Variants in HIPK4 observed in about 807,000 individuals in gnomAD.
The protein encoded by HIPK4 is homeodomain interacting protein kinase 4.
Under a neutral mutation model 44.8 loss-of-function variants are expected in HIPK4, and 26 were observed. The observed-to-expected ratio is 0.58, with a 90% confidence interval of 0.43 to 0.80. The LOEUF is 0.80. HIPK4 is among the 30% of genes least tolerant of loss of function. The pLI is 0.00. For missense variants in HIPK4, 729 were observed against 862.6 expected (o/e 0.85, Z 1.94); for synonymous variants, 340 against 355.5 (o/e 0.96, Z 0.49).
Position 40,389,984 on chromosome 19 carries a change from A to T in HIPK4, c.-82T>A. On this transcript the variant is annotated 5_prime_UTR_variant, in exon 1 of 4. Transcript: ENST00000291823. This position sits in a 1 kb window ranked among gnomAD's most constrained non-coding sequence, Gnocchi z 4.6. ...GCCCAGGCCTCCCGCCTGGCTGCTG[A>T]CACAGCAGGCCCCCCAGTGGGGGAA... 1.8e-6 allele frequency: 2 copies of T among 1,086,630 alleles called. No homozygotes were observed. Among genetic ancestry groups the T allele is most frequent in the Non-Finnish European group, 2.7e-6 (2 of 754,356 alleles). The allele number at this position is 1,086,630 out of a possible 1,614,324, so 67.3% of individuals were successfully genotyped here.
chr19:40,382,350 C>T (rs1019935077), intron 2 of HIPK4, among the ~76,000 whole-genome samples: 3 of 152,108 alleles, frequency 2.0e-5, no homozygotes, highest in African/African-American at 4.8e-5. Flanking sequence ...CTGCCTTGGC[C>T]CCCACCAAAG....
intron 2 of HIPK4, among the ~76,000 whole-genome samples, chr19:40,382,026 G>A (rs970031903): frequency 3.3e-5 from 5 of 151,838 alleles, no homozygotes; most frequent in African/African-American, 4.8e-5. Context: ...GGCTGTTCTC[G>A]AACTCCTGAC....
At chr19:40,383,197 C>T (rs1222332363) in intron 2 of HIPK4, among the ~76,000 whole-genome samples, 5 of 148,926 alleles carry the variant, frequency 3.4e-5, no homozygotes, top group African/African-American at 9.9e-5. Flanking sequence ...ATTCTCCTGC[C>T]TCAGCCCGCC....
rs1468175738 is a variant in HIPK4 at position 40,381,074 on chromosome 19, G to A, written c.917C>T (p.Pro306Leu). 6.2e-7 allele frequency: 1 copy of A among 1,613,036 alleles called. No homozygotes were observed. The highest frequency in any genetic ancestry group is 8.5e-7 in the Non-Finnish European group (1 of 1,180,024). The change falls in exon 3 of 4, where the codon CCT becomes CTT. Residue 306 changes from proline to leucine, a missense_variant. Transcript: ENST00000291823. Reference protein sequence around the residue: ...GGSVASRLTFPDREALAEHAD... With the variant: ...GGSVASRLTFLDREALAEHAD... Reference sequence around the variant, plus strand: ...GTGCTCCGCCAGCGCCTCCCGGTCAGGGAAGGTTAGCCGACTGGCCACACT... The same window carrying A: ...GTGCTCCGCCAGCGCCTCCCGGTCAAGGAAGGTTAGCCGACTGGCCACACT...
chr19:40,386,199 A>T (rs1472605495), intron 1 of HIPK4, among the ~76,000 whole-genome samples: 1 of 151,562 alleles, frequency 6.6e-6, no homozygotes, highest in Non-Finnish European at 1.5e-5. Context: ...CCTCCTGAGT[A>T]GCTGGGATTA....
intron 1 of HIPK4, 129 bp from the exon 2 acceptor site, chr19:40,384,268 G>C (rs1351672317): frequency 2.8e-6 from 2 of 710,754 alleles, no homozygotes; most frequent in Admixed American, 5.1e-5. Flanking sequence ...CTCTGGGTCT[G>C]TGATTCTTTA....
Position 40,379,396 on chromosome 19 carries a change from C to T in HIPK4, c.*191G>A. 1.8e-6 allele frequency: 1 copy of T among 571,422 alleles called. No individual in the cohort carries two copies. The highest frequency in any genetic ancestry group is 3.0e-6 in the Non-Finnish European group (1 of 335,006). 35.4% of individuals were successfully genotyped at this position (571,422 alleles called of 1,614,324 possible). A position where few individuals can be genotyped will look rare whatever the true frequency, so the allele number is the denominator to read the frequency against. ...AGGAGCATGGGCCAGACTCCAAAGC[C>T]CTGCTGTGTTTAGGAGAGGTGTGCA... On this transcript the variant is annotated 3_prime_UTR_variant, in exon 4 of 4. Coordinates refer to ENST00000291823, the MANE Select transcript of HIPK4 (RefSeq NM_144685.5).
chr19:40,380,604 C>T lies in HIPK4; in HGVS notation c.1387G>A (p.Gly463Ser). 2 of 1,613,362 alleles carry T rather than the reference C, an allele frequency of 1.2e-6. No homozygotes were observed. The highest frequency in any genetic ancestry group is 1.7e-6 in the Non-Finnish European group (2 of 1,179,914). Residue 463 changes from glycine (G) to serine (S), a missense_variant, in exon 3 of 4, where the codon GGC becomes AGC. By Grantham distance (56) the Gly-to-Ser change is moderately conservative. This residue lies in a region of HIPK4 where 533 missense variants were observed against 567.5 expected (regional missense o/e 0.94). Transcript: ENST00000291823. This position sits in a 1 kb window ranked among gnomAD's most constrained non-coding sequence, Gnocchi z 4.2. ...MMVPLKAAIT[G>S]HHVPDSGPEP... is the part of the protein sequence containing the mutation. ...GGGCCCGAGTCGGGCACATGGTGGC[C>T]AGTGATGGCTGCCTTGAGGGGGACC...
At position 40,380,333 on chromosome 19, in the gene HIPK4, A is replaced by G. The variant is rs748901840; in HGVS notation, c.1658T>C (p.Met553Thr). The stretch of plus-strand genomic sequence containing the variant: ...ACGCACCCGGCTCACCTCAGCTTCC[A>G]TGGTCATGTTGTCAATGTTGGGCCC... The part of the protein sequence containing the change: ...EDGPNIDNMT[M>T]EAERPDPELF... The change falls in exon 3 of 4, where the codon ATG becomes ACG. Residue 553 changes from methionine to threonine, a missense_variant. By Grantham distance (81) the Met-to-Thr change is moderately conservative. This residue lies in a region of HIPK4 where 533 missense variants were observed against 567.5 expected (regional missense o/e 0.94). Coordinates refer to ENST00000291823, the MANE Select transcript of HIPK4 (RefSeq NM_144685.5). This position sits in a 1 kb window ranked among gnomAD's most constrained non-coding sequence, Gnocchi z 4.2. The G allele has an allele frequency of 2.7e-5, 44 of 1,612,512 alleles. No individual in the cohort carries two copies. The East Asian group carries it at 9.4e-4, about 34-fold the overall frequency.
chr19:40,387,790 T>C (rs950518587), intron 1 of HIPK4, among the ~76,000 whole-genome samples: 2 of 152,094 alleles, frequency 1.3e-5, no homozygotes, highest in Non-Finnish European at 2.9e-5. Flanking sequence ...GCCTGTTTCC[T>C]TCTCTGAGTT....
chr19:40,381,782 T>A (rs1487450283), intron 2 of HIPK4, among the ~76,000 whole-genome samples: 1 of 124,802 alleles, frequency 8.0e-6, no homozygotes, highest in East Asian at 2.3e-4. Context: ...CTCACTCAGA[T>A]CCTTTTTTTT....
In HIPK4 at chr19:40,382,113, CT is replaced by C. The variant is rs546226666; in HGVS notation, c.823-946del. ...GAGCCACTGTGCCTGGCCTTAGATC[CT>C]TTTTTTTAAACAGGGTCTTGCTGTG... On this transcript the variant is annotated intron_variant, in intron 2 of 3. Transcript: ENST00000291823. Among the ~76,000 whole-genome samples, 3 of 151,540 alleles carry C rather than the reference CT, an allele frequency of 2.0e-5. No homozygotes were observed. In the East Asian group the frequency reaches 5.8e-4, roughly 29 times the overall value.
intron 1 of HIPK4, among the ~76,000 whole-genome samples, chr19:40,386,483 A>G (rs1016127972): frequency 6.6e-6 from 1 of 152,162 alleles, no homozygotes; most frequent in African/African-American, 2.4e-5. Flanking sequence ...CCTCCTGAGT[A>G]GCTGGGACCA....
rs1022495922 is a variant in HIPK4, at chr19:40,390,017, C to G, written c.-115G>C. 1.3e-6 allele frequency: 1 copy of G among 744,608 alleles called. No individual in the cohort carries two copies. The highest frequency in any genetic ancestry group is 2.2e-6 in the Non-Finnish European group (1 of 461,018). The allele number at this position is 744,608 out of a possible 1,614,324, so 46.1% of individuals were successfully genotyped here. On this transcript the variant is annotated 5_prime_UTR_variant, in exon 1 of 4. Coordinates refer to ENST00000291823, the MANE Select transcript of HIPK4 (RefSeq NM_144685.5). ...GGCCCCCCAGTGGGGGAAAGAGAACCGCACTCGTGTCTCCTCCTATGAGGT... is the reference window on the plus strand; with the variant it reads ...GGCCCCCCAGTGGGGGAAAGAGAACGGCACTCGTGTCTCCTCCTATGAGGT...
Position 40,390,095 on chromosome 19 carries a change from C to T in HIPK4, c.-193G>A. On this transcript the variant is annotated 5_prime_UTR_variant, in exon 1 of 4. Transcript: ENST00000291823. The stretch of plus-strand genomic sequence containing the variant: ...ACCCCCAGGCCACACTGTCAGTCTG[C>T]CAGGGGCTGCACCCCTCCCCAGAAA... 1 of 595,714 alleles carries T rather than the reference C, an allele frequency of 1.7e-6. No individual in the cohort carries two copies. Among genetic ancestry groups the T allele is most frequent in the South Asian group, 2.0e-5 (1 of 49,522 alleles). The allele number at this position is 595,714 out of a possible 1,614,324, so 36.9% of individuals were successfully genotyped here.
At chr19:40,388,121 G>A (rs1385750298) in intron 1 of HIPK4, among the ~76,000 whole-genome samples, 2 of 150,700 alleles carry the variant, frequency 1.3e-5, no homozygotes, top group African/African-American at 4.9e-5. Context: ...GGTTCTAAGC[G>A]ATTTATCTGC....
rs956501531 is a variant in HIPK4 at position 40,390,145 on chromosome 19, C to T, written c.-243G>A. On this transcript the variant is annotated 5_prime_UTR_variant, in exon 1 of 4. Transcript: ENST00000291823. ...ACCCTCCTGGCTTGGGATGAGGGGCCCCAGGCCCCACCGAATGGGTTCCAG... is the reference window on the plus strand; with the variant it reads ...ACCCTCCTGGCTTGGGATGAGGGGCTCCAGGCCCCACCGAATGGGTTCCAG... 2.7e-5 allele frequency: 15 copies of T among 549,276 alleles called. No homozygotes were observed. Among genetic ancestry groups the T allele is most frequent in the Non-Finnish European group, 3.6e-5 (11 of 305,432 alleles). 34.0% of individuals were successfully genotyped at this position (549,276 alleles called of 1,614,324 possible).
chr19:40,385,195 C>A (rs1392804545), intron 1 of HIPK4, among the ~76,000 whole-genome samples: 1 of 152,152 alleles, frequency 6.6e-6, no homozygotes, highest in East Asian at 1.9e-4. Context: ...TCCTCTGCCC[C>A]CTAGTCTGTC....
Position 40,381,164 on chromosome 19 carries a change from C to T in HIPK4, c.827G>A (p.Arg276His), listed in dbSNP as rs753471608. The T allele has an allele frequency of 3.1e-6, 5 of 1,592,358 alleles. No homozygotes were observed. Among genetic ancestry groups the T allele is most frequent in the Non-Finnish European group, 4.3e-6 (5 of 1,173,780 alleles). ...SADYLAETKV[R>H]PLERRKYMLK... Reference sequence around the variant, plus strand: ...CATATACTTGCGGCGCTCCAATGGGCGCACCTGGCGGGGCATGGAGAAGGG... The same window carrying T: ...CATATACTTGCGGCGCTCCAATGGGTGCACCTGGCGGGGCATGGAGAAGGG... The change falls in exon 3 of 4, where the codon CGC (arginine) becomes CAC (histidine). Residue 276 changes from arginine to histidine, a missense_variant. Physicochemically the swap from Arg to His is conservative, Grantham distance 29. Coordinates refer to ENST00000291823, the MANE Select transcript of HIPK4 (RefSeq NM_144685.5).
Sources: gnomAD v4.1 joint callset for allele counts (sites outside exome capture counted in the v4.1 genomes callset) on GRCh38, gnomAD v4.1.1 for gene constraint, gnomAD v4.1.1 regional missense constraint, Gnocchi (gnomAD v3.1) non-coding constraint, MANE v1.5 for transcripts, NCBI Gene and HGNC (gene_info 2026-07-23, HGNC 2026-07-21) for gene names.